TDRD7: variants seen among roughly 807,000 people sequenced by gnomAD.
TDRD7 encodes the protein tudor domain containing 7.
TDRD7 carries 47 observed loss-of-function variants against 109.8 expected under a neutral mutation model. That is an observed-to-expected ratio of 0.43 (90% confidence interval 0.34 to 0.55). The LOEUF (loss-of-function observed/expected upper bound fraction) is 0.55, where lower values mean the gene tolerates loss of function less well. Among genes scored for constraint, TDRD7 ranks in the 20% least tolerant of loss-of-function variants. TDRD7 has a pLI of 0.03. For missense variants in TDRD7, 1,164 were observed against 1,319.2 expected, an observed-to-expected ratio of 0.88 and a Z score of 1.82; for synonymous variants, 424 against 457.3, an observed-to-expected ratio of 0.93 and a Z score of 0.93.
At position 97,473,487 on chromosome 9, in the gene TDRD7, T is replaced by G. The variant is rs1240320288; in HGVS notation, c.1945-5T>G. On this transcript the variant is annotated splice_polypyrimidine_tract_variant and splice_region_variant and intron_variant, in intron 10 of 16. Transcript: ENST00000355295. Reference sequence around the variant, plus strand: ...CATTCACGAGGTATCCTTTGTCTGTTATAGGTTGACGCCATGTACACAAAT... The same window carrying G: ...CATTCACGAGGTATCCTTTGTCTGTGATAGGTTGACGCCATGTACACAAAT... The G allele has an allele frequency of 6.2e-7, 1 of 1,613,544 alleles. No homozygotes were observed. Among genetic ancestry groups the G allele is most frequent in the East Asian group, 2.2e-5 (1 of 44,844 alleles).
At chr9:97,448,319 C>T (rs1347819398) in intron 6 of TDRD7, among the ~76,000 whole-genome samples, 3 of 152,354 alleles carry the variant, frequency 2.0e-5, no homozygotes, top group East Asian at 1.9e-4. Flanking sequence ...GGGTACACCA[C>T]ACCGGCTGCC....
intron 6 of TDRD7, among the ~76,000 whole-genome samples, chr9:97,448,606 A>G (rs1164652774): frequency 6.6e-6 from 1 of 152,076 alleles, no homozygotes; most frequent in Non-Finnish European, 1.5e-5. Context: ...CAAGTTTTAA[A>G]ATGGGATTAT....
At chr9:97,442,934 T>A (rs1202106504) in intron 6 of TDRD7, among the ~76,000 whole-genome samples, 1 of 152,198 alleles carries the variant, frequency 6.6e-6, no homozygotes, top group African/African-American at 2.4e-5. Context: ...TAAATGGGGC[T>A]ATGGGCGTTA....
chr9:97,466,116 G>T (rs924571596), intron 8 of TDRD7, among the ~76,000 whole-genome samples: 3 of 152,258 alleles, frequency 2.0e-5, no homozygotes, highest in African/African-American at 7.2e-5. Flanking sequence ...ACTATCAGCC[G>T]CCAGCCAGTA....
intron 6 of TDRD7, among the ~76,000 whole-genome samples, chr9:97,456,554 C>T (rs1482693536): frequency 1.3e-5 from 2 of 152,072 alleles, no homozygotes; most frequent in African/African-American, 2.4e-5. Context: ...TTCAACAAAC[C>T]TGACAAAAGC....
intron 8 of TDRD7, among the ~76,000 whole-genome samples, chr9:97,466,343 T>C (rs1437982129): frequency 6.6e-6 from 1 of 152,188 alleles, no homozygotes; most frequent in Non-Finnish European, 1.5e-5. Flanking sequence ...TGCAGAGGCA[T>C]TTAGGAAACT....
At chr9:97,422,508 C>T (rs565432609) in intron 1 of TDRD7, among the ~76,000 whole-genome samples, 1 of 152,112 alleles carries the variant, frequency 6.6e-6, no homozygotes, top group Non-Finnish European at 1.5e-5. Context: ...ACTAATATAG[C>T]TTTATAGTAA....
chr9:97,480,813 A>G lies in TDRD7; in HGVS notation c.2302-15A>G, dbSNP rs1199953537. The G allele has an allele frequency of 1.9e-6, 3 of 1,604,400 alleles. No individual in the cohort carries two copies. The highest frequency in any genetic ancestry group is 2.2e-5 in the East Asian group (1 of 44,832). ...AACATGGTGTGTTCACTTTTCCATC[A>G]TATTTTCTTTTCAGGCCATTAAGTG... On this transcript the variant is annotated splice_polypyrimidine_tract_variant and intron_variant, in intron 13 of 16. Transcript: ENST00000355295.
intron 8 of TDRD7, 45 bp from the exon 9 acceptor site, chr9:97,470,512 TA>T (rs906971032): frequency 6.5e-7 from 1 of 1,539,048 alleles, no homozygotes; most frequent in Non-Finnish European, 9.0e-7. Flanking sequence ...ATGAATTTTT[TA>T]AAGAGAGGAT....
At chr9:97,427,788 G>A (rs1430322605) in intron 1 of TDRD7, among the ~76,000 whole-genome samples, 1 of 152,030 alleles carries the variant, frequency 6.6e-6, no homozygotes, top group Non-Finnish European at 1.5e-5. Flanking sequence ...GCCCTGTATT[G>A]TGGTCCTCCA....
At chr9:97,445,173 A>G (rs1828378817) in intron 6 of TDRD7, among the ~76,000 whole-genome samples, 2 of 152,246 alleles carry the variant, frequency 1.3e-5, no homozygotes, top group Admixed American at 1.3e-4. Flanking sequence ...AAGCCTGCAG[A>G]TCAAGGACAC....
chr9:97,462,952 C>A (rs1828751873), intron 7 of TDRD7, among the ~76,000 whole-genome samples: 1 of 152,244 alleles, frequency 6.6e-6, no homozygotes, highest in Non-Finnish European at 1.5e-5. Flanking sequence ...CAGGCCTCTG[C>A]CAGTTGAGCA....
Position 97,412,168 on chromosome 9 carries a change from GC to G in TDRD7, c.-73del. 3 of 154,262 alleles carry G rather than the reference GC, an allele frequency of 1.9e-5. No homozygotes were observed. The highest frequency in any genetic ancestry group is 4.3e-5 in the Non-Finnish European group (3 of 69,532). 9.6% of individuals were successfully genotyped at this position (154,262 alleles called of 1,614,324 possible). A position where few individuals can be genotyped will look rare whatever the true frequency, so the allele number is the denominator to read the frequency against. On this transcript the variant is annotated 5_prime_UTR_variant, in exon 1 of 17. Coordinates refer to ENST00000355295, the MANE Select transcript of TDRD7 (RefSeq NM_014290.3). The surrounding 1 kb of genome is among the most constrained non-coding windows in gnomAD (Gnocchi z 4.3). ...GAAAGTGGGCGGCGGCCGCGGCGGGGCCCCTGGCGGAGACGGCGGCAGGAGC... is the reference window on the plus strand; with the variant it reads ...GAAAGTGGGCGGCGGCCGCGGCGGGGCCCTGGCGGAGACGGCGGCAGGAGC...
At chr9:97,479,939 C>T (rs1476464991) in intron 13 of TDRD7, among the ~76,000 whole-genome samples, 1 of 152,162 alleles carries the variant, frequency 6.6e-6, no homozygotes, top group African/African-American at 2.4e-5. Context: ...GCCCCACTCC[C>T]TCGTTGCCTG....
chr9:97,493,306 AAG>A (rs971984606), intron 16 of TDRD7, among the ~76,000 whole-genome samples: 4 of 152,246 alleles, frequency 2.6e-5, no homozygotes, highest in East Asian at 3.9e-4. Flanking sequence ...CAGAGTACAA[AAG>A]AGAGAAATTT....
rs540484415 is a variant in TDRD7, at chr9:97,495,946, C to G, written c.*63C>G. 7.2e-6 allele frequency: 10 copies of G among 1,387,300 alleles called. No homozygotes were observed. The East Asian group carries it at 2.3e-4, about 32-fold the overall frequency. 85.9% of individuals were successfully genotyped at this position (1,387,300 alleles called of 1,614,324 possible). A position where few individuals can be genotyped will look rare whatever the true frequency, so the allele number is the denominator to read the frequency against. Reference sequence around the variant, plus strand: ...TTTAGCAATAACAAAATGTAGTAGGCTTAAAAAAAATCTTAACTCTGCTAC... The same window carrying G: ...TTTAGCAATAACAAAATGTAGTAGGGTTAAAAAAAATCTTAACTCTGCTAC... On this transcript the variant is annotated 3_prime_UTR_variant, in exon 17 of 17. Transcript: ENST00000355295.
chr9:97,490,188 C>A (rs1051104817), intron 16 of TDRD7, among the ~76,000 whole-genome samples: 1 of 152,154 alleles, frequency 6.6e-6, no homozygotes, highest in Non-Finnish European at 1.5e-5. Flanking sequence ...ATATTAATTT[C>A]TGACCTATAT....
intron 1 of TDRD7, among the ~76,000 whole-genome samples, chr9:97,423,360 G>A (rs191797122): frequency 6.7e-6 from 1 of 148,706 alleles, no homozygotes; most frequent in Non-Finnish European, 1.5e-5. Flanking sequence ...CTGTATTGAT[G>A]GCCCCTCTTT....
chr9:97,467,498 A>G (rs1828840432), intron 8 of TDRD7, among the ~76,000 whole-genome samples: 1 of 152,194 alleles, frequency 6.6e-6, no homozygotes, highest in South Asian at 2.1e-4. Flanking sequence ...ATCGTGTTGT[A>G]TATACCTGAT....
Sources: allele counts gnomAD v4.1 joint callset (sites outside exome capture counted in the v4.1 genomes callset), GRCh38; gene constraint gnomAD v4.1.1; non-coding constraint Gnocchi (gnomAD v3.1); transcripts MANE v1.5; gene names NCBI Gene and HGNC (gene_info 2026-07-23, HGNC 2026-07-21).